Variants in EFCAB6 observed in about 807,000 individuals in gnomAD.
EFCAB6 encodes the protein EF-hand calcium binding domain 6.
In EFCAB6, 156 loss-of-function variants were observed where a neutral mutation model predicts 169.8. The observed-to-expected ratio is 0.92, with a 90% CI of 0.81 to 1.05. The LOEUF (loss-of-function observed/expected upper bound fraction) is 1.05. EFCAB6 is among the 50% of genes least tolerant of loss of function. The probability of loss-of-function intolerance (pLI) is 0.00; values close to 1 mark genes in which losing one functional copy is unlikely to be tolerated. For synonymous variants in EFCAB6, 698 were observed against 676.4 expected, an observed-to-expected ratio of 1.03 and a Z score of -0.50; for missense variants, 1,800 against 1,829.1, an observed-to-expected ratio of 0.98 and a Z score of 0.29.
chr22:43,530,038 C>A (rs2046965608), intron 31 of EFCAB6, among the ~76,000 whole-genome samples: 2 of 152,186 alleles, frequency 1.3e-5, no homozygotes, highest in Non-Finnish European at 2.9e-5. Context: ...CCATTGGGCC[C>A]CATGGGATGA....
intron 6 of EFCAB6, among the ~76,000 whole-genome samples, chr22:43,751,140 T>C (rs540541106): frequency 1.4e-3 from 208 of 152,380 alleles, no homozygotes; most frequent in African/African-American, 4.8e-3. Context: ...TTTTTCTTTA[T>C]GTACTTCTTT....
intron 19 of EFCAB6, among the ~76,000 whole-genome samples, chr22:43,629,028 G>A (rs962932277): frequency 3.3e-5 from 5 of 152,164 alleles, no homozygotes; most frequent in African/African-American, 1.2e-4. Context: ...TAACTGCAAC[G>A]TGGGCCCTGA....
intron 6 of EFCAB6, 116 bp from the exon 7 acceptor site, chr22:43,736,109 A>G (rs2060128288): frequency 2.8e-6 from 3 of 1,069,198 alleles, no homozygotes; most frequent in African/African-American, 1.6e-5. Flanking sequence ...GTTTTCAAAG[A>G]CTCACAGTGG....
intron 13 of EFCAB6, among the ~76,000 whole-genome samples, chr22:43,676,646 T>C (rs2057775353): frequency 6.6e-6 from 1 of 152,200 alleles, no homozygotes; most frequent in Non-Finnish European, 1.5e-5. Context: ...GAATAAGTTA[T>C]GTACTATGGC....
chr22:43,796,425 G>C (rs2062511093), intron 2 of EFCAB6, among the ~76,000 whole-genome samples: 2 of 152,044 alleles, frequency 1.3e-5, no homozygotes, highest in Admixed American at 1.3e-4. Context: ...AGAGCCTAAA[G>C]AAAAAAGCTT....
At position 43,551,382 on chromosome 22, in the gene EFCAB6, C is replaced by T. The variant is rs145289395; in HGVS notation, c.3648+3487G>A. 8.5e-5 allele frequency among the ~76,000 whole-genome samples: 13 copies of T among 152,322 alleles called. No individual in the cohort carries two copies. The East Asian group carries it at 9.6e-4, about 11-fold the overall frequency. On this transcript the variant is annotated intron_variant, in intron 27 of 31. Coordinates refer to ENST00000262726, the MANE Select transcript of EFCAB6 (RefSeq NM_022785.4). ...TATTACACTGGTGCAAAAGTAATTA[C>T]GGTCTTTACTTTCAATGGCAAAGAC...
At chr22:43,686,747 T>C (rs2058210910) in intron 11 of EFCAB6, among the ~76,000 whole-genome samples, 1 of 152,138 alleles carries the variant, frequency 6.6e-6, no homozygotes, top group Non-Finnish European at 1.5e-5. Context: ...TATTTTACTT[T>C]ACAGTAGAGC....
chr22:43,627,668 C>T (rs2054621914), intron 19 of EFCAB6, among the ~76,000 whole-genome samples: 1 of 152,132 alleles, frequency 6.6e-6, no homozygotes, highest in Non-Finnish European at 1.5e-5. Flanking sequence ...GTGGCCCCAA[C>T]CCGCCTCGTT....
chr22:43,577,649 C>G (rs991856623), intron 25 of EFCAB6, among the ~76,000 whole-genome samples: 2 of 152,102 alleles, frequency 1.3e-5, no homozygotes, highest in Non-Finnish European at 2.9e-5. Context: ...GTACCTGGCC[C>G]GTGGGGATCT....
chr22:43,718,788 GTAATAA>G (rs1197037838), intron 8 of EFCAB6, among the ~76,000 whole-genome samples: 2 of 151,950 alleles, frequency 1.3e-5, no homozygotes, highest in African/African-American at 4.8e-5. Flanking sequence ...TCAAATAACC[GTAATAA>G]TAATAATAAT....
chr22:43,702,323 T>TCC (rs1029968942), intron 10 of EFCAB6, among the ~76,000 whole-genome samples: 123 of 152,170 alleles, frequency 8.1e-4, no homozygotes, highest in Admixed American at 2.7e-3. Flanking sequence ...GCTCCACTAC[T>TCC]CCCTCACAGA....
chr22:43,749,990 G>C (rs1343513818), intron 6 of EFCAB6, among the ~76,000 whole-genome samples: 2 of 152,156 alleles, frequency 1.3e-5, no homozygotes, highest in Non-Finnish European at 2.9e-5. Flanking sequence ...CAGAGAGTCC[G>C]TGTTGGTGTT....
In EFCAB6 at chr22:43,616,356, T is replaced by C. The variant is rs556834355; in HGVS notation, c.2466-434A>G. ...CTCAGTCTCAGCTCATTTTCCAAGG[T>C]GAGGCTTGTAGGATTTAAAGATAGG... On this transcript the variant is annotated intron_variant, in intron 20 of 31. Transcript: ENST00000262726. 3.1e-3 allele frequency among the ~76,000 whole-genome samples: 474 copies of C among 152,292 alleles called. 1 individual carries two copies. Among genetic ancestry groups the C allele is most frequent in the Non-Finnish European group, 4.7e-3 (320 of 68,026 alleles).
At chr22:43,782,967 A>C (rs1314200320) in intron 2 of EFCAB6, among the ~76,000 whole-genome samples, 1 of 152,144 alleles carries the variant, frequency 6.6e-6, no homozygotes, top group Non-Finnish European at 1.5e-5. Context: ...GCTTGGATGT[A>C]GCCTTGAAAA....
chr22:43,802,222 G>A (rs2062746544), intron 2 of EFCAB6, among the ~76,000 whole-genome samples: 1 of 152,128 alleles, frequency 6.6e-6, no homozygotes, highest in Admixed American at 6.5e-5. Context: ...CCAAGAGAAA[G>A]GTTGAATAGG....
Position 43,708,544 on chromosome 22 carries a change from T to G in EFCAB6, c.1031+2931A>C, listed in dbSNP as rs530007609. Among the ~76,000 whole-genome samples, 3 of 151,918 alleles carry G rather than the reference T, an allele frequency of 2.0e-5. No homozygotes were observed. The South Asian group carries it at 6.3e-4, about 32-fold the overall frequency. On this transcript the variant is annotated intron_variant, in intron 10 of 31. Coordinates refer to ENST00000262726, the MANE Select transcript of EFCAB6 (RefSeq NM_022785.4). ...ACAATAAATGAAAACAGACTAAACT[T>G]GACAGTGAAAAAAGCAAAGATGTTA...
intron 29 of EFCAB6, chr22:43,535,849 A>G (rs1001312868): frequency 2.0e-5 from 3 of 152,208 alleles, no homozygotes; most frequent in Non-Finnish European, 4.4e-5. Flanking sequence ...AGAAGCAGAG[A>G]TTTCTTTGCC....
chr22:43,746,886 C>G (rs1024618369), intron 6 of EFCAB6, among the ~76,000 whole-genome samples: 4 of 152,224 alleles, frequency 2.6e-5, no homozygotes, highest in Non-Finnish European at 5.9e-5. Flanking sequence ...AATCTTGGGG[C>G]CCCTAAGAGC....
chr22:43,531,752 A>C (rs565926236), intron 30 of EFCAB6, among the ~76,000 whole-genome samples: 1 of 152,194 alleles, frequency 6.6e-6, no homozygotes, highest in South Asian at 2.1e-4. Context: ...CAATTTGCCC[A>C]ATCAGCTGAT....
Sources: allele counts gnomAD v4.1 joint callset (sites outside exome capture counted in the v4.1 genomes callset), GRCh38; gene constraint gnomAD v4.1.1; transcripts MANE v1.5; gene names NCBI Gene and HGNC (gene_info 2026-07-23, HGNC 2026-07-21).